PARN: variants seen among roughly 807,000 people sequenced by gnomAD.
PARN encodes poly(A)-specific ribonuclease PARN.
PARN carries 71 observed loss-of-function variants against 102.8 expected under a neutral mutation model. That is an observed-to-expected ratio of 0.69 (90% CI 0.57 to 0.84). The LOEUF is 0.84. Ranked by LOEUF, PARN falls within the 40% of genes least tolerant of loss-of-function variation. The pLI is 0.00. For synonymous variants in PARN, 261 were observed against 252.9 expected (o/e 1.03, Z -0.30); for missense variants, 782 against 760.9 (o/e 1.03, Z -0.33).
intron 18 of PARN, among the ~76,000 whole-genome samples, chr16:14,560,406 A>C (rs1374769302): frequency 6.6e-6 from 1 of 152,244 alleles, no homozygotes; most frequent in East Asian, 1.9e-4. Context: ...CACATTTCTG[A>C]AAGCTTTCTG....
Position 14,507,007 on chromosome 16 carries a change from T to C in PARN, c.1481-24180A>G, listed in dbSNP as rs1433477660. On this transcript the variant is annotated intron_variant, in intron 21 of 23. Coordinates refer to ENST00000437198, the MANE Select transcript of PARN (RefSeq NM_002582.4). ...TGGAGAAGCGTAACTAATATAACCT[T>C]TTTTAGAGGGTGATCTGACAATCTA... 2.6e-5 allele frequency among the ~76,000 whole-genome samples: 4 copies of C among 152,218 alleles called. No individual in the cohort carries two copies. The East Asian group carries it at 5.8e-4, about 22-fold the overall frequency.
At chr16:14,614,965 G>A (rs1971798780) in intron 6 of PARN, among the ~76,000 whole-genome samples, 1 of 151,358 alleles carries the variant, frequency 6.6e-6, no homozygotes. Flanking sequence ...GAAGACAAGA[G>A]TGAGAGGGAA....
rs531639827 is a variant in PARN at position 14,501,983 on chromosome 16, A to T, written c.1481-19156T>A. ...GCTAAATGCTGTTTAGATTATTTTT[A>T]AAAAATGTGGTTTTGACTGGTTCAG... On this transcript the variant is annotated intron_variant, in intron 21 of 23. Coordinates refer to ENST00000437198, the MANE Select transcript of PARN (RefSeq NM_002582.4). 1.3e-3 allele frequency among the ~76,000 whole-genome samples: 202 copies of T among 152,300 alleles called. 1 individual carries two copies. Among genetic ancestry groups the T allele is most frequent in the Non-Finnish European group, 2.2e-3 (149 of 68,020 alleles).
chr16:14,621,731 A>G (rs1291601257), intron 5 of PARN, among the ~76,000 whole-genome samples: 1 of 151,924 alleles, frequency 6.6e-6, no homozygotes, highest in African/African-American at 2.4e-5. Flanking sequence ...GAATGGCGTG[A>G]ACACGGGAGG....
In PARN at chr16:14,608,293, G is replaced by C. The variant is rs1431949582; in HGVS notation, c.647C>G (p.Thr216Ser). The change falls in exon 9 of 24, where the codon ACT becomes AGT. Residue 216 changes from threonine (T) to serine (S), a missense_variant. Coordinates refer to ENST00000437198, the MANE Select transcript of PARN (RefSeq NM_002582.4). ...TATAAATACTTACTTCCAGCTCAAA[G>C]TCTGATAAATTAGTTTTCTTTGGAA... ...TGFQRKLIYQ[T>S]LSWKYPKGIH... 1.3e-6 allele frequency: 2 copies of C among 1,541,036 alleles called. No individual in the cohort carries two copies. The highest frequency in any genetic ancestry group is 1.8e-6 in the Non-Finnish European group (2 of 1,139,320).
At chr16:14,470,681 A>T (rs902750912) in intron 22 of PARN, among the ~76,000 whole-genome samples, 4 of 151,146 alleles carry the variant, frequency 2.6e-5, no homozygotes, top group African/African-American at 4.9e-5. Context: ...CTGCTCTTGA[A>T]CTCCTGAGCC....
chr16:14,564,444 T>C (rs1368222122), intron 18 of PARN, among the ~76,000 whole-genome samples: 4 of 152,028 alleles, frequency 2.6e-5, no homozygotes, highest in South Asian at 2.1e-4. Context: ...TGGCCGGAGA[T>C]CAAAAGGACA....
intron 6 of PARN, among the ~76,000 whole-genome samples, 178 bp from the exon 7 acceptor site, chr16:14,610,987 A>G (rs1393121645): frequency 6.6e-6 from 1 of 152,214 alleles, no homozygotes; most frequent in Admixed American, 6.5e-5. Context: ...CCATTCATTC[A>G]GTCTTCTTTC....
chr16:14,623,503 A>C (rs971201527), intron 5 of PARN, among the ~76,000 whole-genome samples: 1 of 142,704 alleles, frequency 7.0e-6, no homozygotes, highest in African/African-American at 2.6e-5. Context: ...ACAGAGCAAA[A>C]CCCCATCTCA....
At position 14,435,993 on chromosome 16, in the gene PARN, A is replaced by G. The variant is rs1392960314; in HGVS notation, c.*724T>C. Reference sequence around the variant, plus strand: ...GTACCCCGAGACCGCCATCCAAACAAACGAACAGAGACTCTGGAAAGTGAA... The same window carrying G: ...GTACCCCGAGACCGCCATCCAAACAGACGAACAGAGACTCTGGAAAGTGAA... On this transcript the variant is annotated 3_prime_UTR_variant, in exon 24 of 24. Transcript: ENST00000437198. 6.6e-6 allele frequency: 1 copy of G among 151,744 alleles called. No homozygotes were observed. The highest frequency in any genetic ancestry group is 1.5e-5 in the Non-Finnish European group (1 of 68,112). The allele number at this position is 151,744 out of a possible 1,614,324, so 9.4% of individuals were successfully genotyped here.
intron 11 of PARN, among the ~76,000 whole-genome samples, chr16:14,601,422 A>C (rs1013970367): frequency 3.9e-5 from 6 of 152,174 alleles, no homozygotes; most frequent in African/African-American, 9.6e-5. Context: ...AGTAAGTAGA[A>C]TAGTGGTTGC....
At chr16:14,476,046 C>T (rs1332069945) in intron 22 of PARN, among the ~76,000 whole-genome samples, 1 of 151,948 alleles carries the variant, frequency 6.6e-6, no homozygotes, top group Non-Finnish European at 1.5e-5. Flanking sequence ...TACTTGAAGA[C>T]AGTCAAAAAC....
At chr16:14,479,196 T>A (rs773425896) in intron 22 of PARN, among the ~76,000 whole-genome samples, 1 of 151,650 alleles carries the variant, frequency 6.6e-6, no homozygotes, top group African/African-American at 2.4e-5. Flanking sequence ...AGGTAGGAGG[T>A]TGACTTGAAC....
intron 17 of PARN, 128 bp downstream of exon 17, chr16:14,582,053 T>G (rs1217884108): frequency 5.6e-6 from 4 of 716,936 alleles, no homozygotes; most frequent in Non-Finnish European, 1.0e-5. Context: ...CTCCTGAACA[T>G]GAGAAATAAA....
At chr16:14,574,572 G>A (rs1968999700) in intron 18 of PARN, among the ~76,000 whole-genome samples, 1 of 152,086 alleles carries the variant, frequency 6.6e-6, no homozygotes, top group Admixed American at 6.6e-5. Context: ...AATTAGCTGG[G>A]CGTGGTGGCG....
chr16:14,436,540 G>C lies in PARN; in HGVS notation c.*177C>G, dbSNP rs542013193. On this transcript the variant is annotated 3_prime_UTR_variant, in exon 24 of 24. Coordinates refer to ENST00000437198, the MANE Select transcript of PARN (RefSeq NM_002582.4). ...GTCAACAGGCAGTTAGATTAAAAAG[G>C]GGAAAAAACCACAGCCACAAAAATA... 10 of 608,084 alleles carry C rather than the reference G, an allele frequency of 1.6e-5. No individual in the cohort carries two copies. In the East Asian group the frequency reaches 2.2e-4, roughly 13 times the overall value. The allele number at this position is 608,084 out of a possible 1,614,324, so 37.7% of individuals were successfully genotyped here. A position where few individuals can be genotyped will look rare whatever the true frequency, so the allele number is the denominator to read the frequency against.
chr16:14,453,110 T>TA (rs1961534733), intron 22 of PARN, among the ~76,000 whole-genome samples: 1 of 152,190 alleles, frequency 6.6e-6, no homozygotes, highest in Non-Finnish European at 1.5e-5. Flanking sequence ...GCATACAGAT[T>TA]TATAATGTAC....
At chr16:14,604,313 T>C (rs1187871096) in intron 10 of PARN, 87 bp from the exon 11 acceptor site, 2 of 781,536 alleles carry the variant, frequency 2.6e-6, no homozygotes, top group Non-Finnish European at 4.2e-6. Flanking sequence ...CAGGCTGGAG[T>C]GCAATTGCAT....
At chr16:14,477,062 A>G (rs1448577541) in intron 22 of PARN, among the ~76,000 whole-genome samples, 2 of 152,244 alleles carry the variant, frequency 1.3e-5, no homozygotes, top group East Asian at 3.8e-4. Context: ...GCTATATGCT[A>G]TTTATAAGAA....
Sources: gnomAD v4.1 joint callset for allele counts (sites outside exome capture counted in the v4.1 genomes callset) on GRCh38, gnomAD v4.1.1 for gene constraint, MANE v1.5 for transcripts, NCBI Gene and HGNC (gene_info 2026-07-23, HGNC 2026-07-21) for gene names.